Variants in RBFOX1 observed in about 807,000 individuals in gnomAD.
RBFOX1 encodes RNA binding protein fox-1 homolog 1.
A neutral mutation model predicts 57.7 loss-of-function variants in RBFOX1; 8 were observed. The ratio of observed to expected loss-of-function variants is 0.14; its 90% CI spans 0.08 to 0.25. The LOEUF is 0.25. Ranked by LOEUF, RBFOX1 falls within the 10% of genes least tolerant of loss-of-function variation. The pLI, the probability that RBFOX1 is intolerant of heterozygous loss-of-function variation, is 1.00. For synonymous variants in RBFOX1, 326 were observed against 222.4 expected (o/e 1.47, Z -4.15); for missense variants, 611 against 548.5 (o/e 1.11, Z -1.14).
chr16:6,601,985 C>A (rs1488051035), intron 2 of RBFOX1, among the ~76,000 whole-genome samples: 3 of 152,092 alleles, frequency 2.0e-5, no homozygotes, highest in African/African-American at 7.2e-5. Flanking sequence ...TCTCTCTTGT[C>A]AGGTAGGACA....
At chr16:7,428,409 T>A (rs1394987169) in intron 4 of RBFOX1, among the ~76,000 whole-genome samples, 3 of 146,936 alleles carry the variant, frequency 2.0e-5, no homozygotes, top group African/African-American at 7.5e-5. Context: ...TCACTGCAAC[T>A]TTTGCCTCCT....
chr16:5,482,806 A>G (rs989329673), intron 2 of RBFOX1, among the ~76,000 whole-genome samples: 21 of 152,156 alleles, frequency 1.4e-4, no homozygotes, highest in African/African-American at 4.6e-4. Context: ...TTTTCCTGGG[A>G]GAGCAAAATA....
intron 3 of RBFOX1, among the ~76,000 whole-genome samples, chr16:6,836,744 C>T (rs1278090976): frequency 6.6e-6 from 1 of 152,098 alleles, no homozygotes; most frequent in African/African-American, 2.4e-5. Context: ...CATTTATTTT[C>T]TTAAAGTATA....
At chr16:6,647,191 G>A (rs201075770) in intron 2 of RBFOX1, among the ~76,000 whole-genome samples, 19 of 152,118 alleles carry the variant, frequency 1.2e-4, no homozygotes, top group African/African-American at 3.4e-4. Context: ...GAGAGAGAGA[G>A]AAAATGAGTG....
chr16:6,867,756 G>A lies in RBFOX1; in HGVS notation c.-15-184301G>A, dbSNP rs116618811. Among the ~76,000 whole-genome samples the A allele has an allele frequency of 6.6e-5, 10 of 152,120 alleles. No homozygotes were observed. In the East Asian group the frequency reaches 1.7e-3, roughly 26 times the overall value. On this transcript the variant is annotated intron_variant, in intron 3 of 15. Coordinates refer to ENST00000550418, the MANE Select transcript of RBFOX1 (RefSeq NM_018723.4). ...AACAGATATTTATCAGTTAATGTGT[G>A]AATTACCCATGGCATCATTACCTTT...
At chr16:6,270,012 C>G (rs2075011272) in intron 1 of RBFOX1, among the ~76,000 whole-genome samples, 1 of 151,974 alleles carries the variant, frequency 6.6e-6, no homozygotes, top group Non-Finnish European at 1.5e-5. Context: ...GAAAACATAG[C>G]ACCAGGCTGT....
intron 3 of RBFOX1, among the ~76,000 whole-genome samples, chr16:5,757,265 C>G (rs1333100243): frequency 6.9e-6 from 1 of 144,162 alleles, no homozygotes. Context: ...TGGAGTGTCA[C>G]TCTGTTGCCA....
At chr16:5,687,081 A>T (rs569895783) in intron 3 of RBFOX1, among the ~76,000 whole-genome samples, 1 of 152,340 alleles carries the variant, frequency 6.6e-6, no homozygotes, top group East Asian at 1.9e-4. Flanking sequence ...TAAGGAGTTA[A>T]TATGAGCCAA....
intron 4 of RBFOX1, among the ~76,000 whole-genome samples, chr16:7,225,030 T>G (rs2093003901): frequency 6.6e-6 from 1 of 152,198 alleles, no homozygotes; most frequent in Non-Finnish European, 1.5e-5. Context: ...TACTTCTCCT[T>G]AAGTTGTTGC....
At chr16:6,989,064 T>C (rs1047565642) in intron 3 of RBFOX1, among the ~76,000 whole-genome samples, 2 of 151,922 alleles carry the variant, frequency 1.3e-5, no homozygotes, top group Non-Finnish European at 2.9e-5. Flanking sequence ...CGCCCGGCTT[T>C]TTTGGTATTT....
At chr16:7,367,897 C>CAG (rs781218942) in intron 4 of RBFOX1, among the ~76,000 whole-genome samples, 2 of 149,248 alleles carry the variant, frequency 1.3e-5, no homozygotes, top group Admixed American at 1.3e-4. Context: ...CACACACACA[C>CAG]ACACACACAC....
At chr16:7,308,318 G>C (rs1555692701) in intron 4 of RBFOX1, among the ~76,000 whole-genome samples, 1 of 132,944 alleles carries the variant, frequency 7.5e-6, no homozygotes, top group Non-Finnish European at 1.6e-5. Context: ...TTTCCACTGA[G>C]TTTAATGTCC....
chr16:6,543,610 C>G (rs960318783), intron 2 of RBFOX1, among the ~76,000 whole-genome samples: 1 of 152,194 alleles, frequency 6.6e-6, no homozygotes. Context: ...GTTTTGTTTT[C>G]CACTTAGATG....
In RBFOX1 at chr16:6,145,517, A is replaced by G. The variant is rs76353741; in HGVS notation, c.-127+125525A>G. Among the ~76,000 whole-genome samples, 946 of 152,270 alleles carry G rather than the reference A, an allele frequency of 6.2e-3. 14 individuals are homozygous for G. Among genetic ancestry groups the G allele is most frequent in the African/African-American group, 0.021 (875 of 41,538 alleles). On this transcript the variant is annotated intron_variant, in intron 1 of 15. Coordinates refer to ENST00000550418, the MANE Select transcript of RBFOX1 (RefSeq NM_018723.4). Reference sequence around the variant, plus strand: ...AACATATGTGTGCGTGTGTCTTTGTATTATAATGATTTCTTTTTTGGGGAG... The same window carrying G: ...AACATATGTGTGCGTGTGTCTTTGTGTTATAATGATTTCTTTTTTGGGGAG...
chr16:6,075,638 C>T (rs1423811718), intron 1 of RBFOX1, among the ~76,000 whole-genome samples: 1 of 152,164 alleles, frequency 6.6e-6, no homozygotes, highest in East Asian at 1.9e-4. Context: ...GGGCATAAAT[C>T]AAGATTTTTG....
At chr16:7,079,557 C>T (rs2058837486) in intron 4 of RBFOX1, among the ~76,000 whole-genome samples, 1 of 152,166 alleles carries the variant, frequency 6.6e-6, no homozygotes, top group Non-Finnish European at 1.5e-5. Flanking sequence ...GAGGTGGTGT[C>T]ACATCTGTTT....
intron 4 of RBFOX1, among the ~76,000 whole-genome samples, chr16:7,402,261 C>T (rs760853970): frequency 6.6e-6 from 1 of 152,158 alleles, no homozygotes. Context: ...CTAAGTTATT[C>T]AGTCCCGGAC....
intron 2 of RBFOX1, among the ~76,000 whole-genome samples, chr16:6,480,385 G>A (rs2095354666): frequency 6.6e-6 from 1 of 152,220 alleles, no homozygotes; most frequent in Admixed American, 6.5e-5. Context: ...ATTTGCAGAT[G>A]AAGGCAGTCG....
At chr16:7,280,521 C>G (rs2095520555) in intron 4 of RBFOX1, among the ~76,000 whole-genome samples, 1 of 152,116 alleles carries the variant, frequency 6.6e-6, no homozygotes, top group African/African-American at 2.4e-5. Flanking sequence ...GACAGGGAGT[C>G]CACATGGAGA....
Sources: allele counts gnomAD v4.1 joint callset (sites outside exome capture counted in the v4.1 genomes callset), GRCh38; gene constraint gnomAD v4.1.1; transcripts MANE v1.5; gene names NCBI Gene and HGNC (gene_info 2026-07-23, HGNC 2026-07-21).